Variants in PRDM16 observed in about 807,000 individuals in gnomAD.
PRDM16 encodes the protein histone-lysine N-methyltransferase PRDM16.
PRDM16 carries 23 observed loss-of-function variants against 110.6 expected under a neutral mutation model. The ratio of observed to expected loss-of-function variants is 0.21; its 90% CI spans 0.15 to 0.29. The LOEUF (loss-of-function observed/expected upper bound fraction) is 0.29, where lower values mean the gene tolerates loss of function less well. Among genes scored for constraint, PRDM16 ranks in the 10% least tolerant of loss-of-function variants. The pLI, the probability that PRDM16 is intolerant of heterozygous loss-of-function variation, is 1.00. For synonymous variants in PRDM16, 799 were observed against 781.8 expected, an observed-to-expected ratio of 1.02 and a Z score of -0.37; for missense variants, 1,615 against 1,794.3, an observed-to-expected ratio of 0.90 and a Z score of 1.81.
chr1:3,292,085 C>G (rs557827472), intron 3 of PRDM16, among the ~76,000 whole-genome samples: 1 of 152,366 alleles, frequency 6.6e-6, no homozygotes, highest in Non-Finnish European at 1.5e-5. Context: ...GCGGAGAGGG[C>G]AGATTTTCTG....
chr1:3,355,554 C>T (rs938096163), intron 3 of PRDM16, among the ~76,000 whole-genome samples: 8 of 152,230 alleles, frequency 5.3e-5, no homozygotes, highest in Admixed American at 6.5e-5. Flanking sequence ...GGGACCCTGA[C>T]GCTACAGCCA....
intron 1 of PRDM16, among the ~76,000 whole-genome samples, chr1:3,103,563 C>T (rs955723175): frequency 4.6e-5 from 7 of 152,336 alleles, no homozygotes; most frequent in East Asian, 1.9e-4. Flanking sequence ...CCTCGCATAC[C>T]GCCAAAAACA....
At position 3,209,292 on chromosome 1, in the gene PRDM16, T is replaced by C. The variant is rs1238394112; in HGVS notation, c.387+22818T>C. Among the ~76,000 whole-genome samples, 3 of 152,204 alleles carry C rather than the reference T, an allele frequency of 2.0e-5. No homozygotes were observed. Among genetic ancestry groups the C allele is most frequent in the Admixed American group, 6.5e-5 (1 of 15,278 alleles). ...TGGGATTTACTAAGCACGGTCACGC[T>C]GAACAGTAACTGTGGGCAGGGACAG... is the stretch of plus-strand genomic sequence containing the variant. On this transcript the variant is annotated intron_variant, in intron 2 of 16. Coordinates refer to ENST00000270722, the MANE Select transcript of PRDM16 (RefSeq NM_022114.4). This position sits in a 1 kb window ranked among gnomAD's most constrained non-coding sequence, Gnocchi z 4.6.
rs192920828 is a variant in PRDM16, at chr1:3,247,925, G to A, written c.438+3788G>A. Among the ~76,000 whole-genome samples, 18 of 152,342 alleles carry A rather than the reference G, an allele frequency of 1.2e-4. No homozygotes were observed. The East Asian group carries it at 3.3e-3, about 28-fold the overall frequency. On this transcript the variant is annotated intron_variant, in intron 3 of 16. Coordinates refer to ENST00000270722, the MANE Select transcript of PRDM16 (RefSeq NM_022114.4). ...GTTTACTTAGAGGGAAAGCCCGGGG[G>A]CTCCTGGAGAGCAAACATCTGCGGG...
At chr1:3,407,814 G>A (rs535030804) in intron 8 of PRDM16, among the ~76,000 whole-genome samples, 22 of 152,214 alleles carry the variant, frequency 1.4e-4, no homozygotes, top group Non-Finnish European at 2.6e-4. Flanking sequence ...GTGAGGACAG[G>A]GAAACTCAAC....
intron 1 of PRDM16, among the ~76,000 whole-genome samples, chr1:3,083,475 T>A (rs1451019260): frequency 6.6e-6 from 1 of 152,170 alleles, no homozygotes; most frequent in Non-Finnish European, 1.5e-5. Flanking sequence ...CTTTCTAGGG[T>A]TGGGGGTTTC....
intron 3 of PRDM16, among the ~76,000 whole-genome samples, chr1:3,375,275 G>T (rs1351641229): frequency 6.6e-6 from 1 of 152,180 alleles, no homozygotes; most frequent in Non-Finnish European, 1.5e-5. Flanking sequence ...TCCCCACTGT[G>T]TCCACCCACC....
intron 3 of PRDM16, among the ~76,000 whole-genome samples, chr1:3,281,412 G>T (rs746472181): frequency 2.0e-5 from 3 of 152,212 alleles, no homozygotes; most frequent in Non-Finnish European, 4.4e-5. Context: ...TCGAAATAGG[G>T]ATCATTCCTG....
intron 4 of PRDM16, among the ~76,000 whole-genome samples, chr1:3,395,419 G>A (rs1643370681): frequency 6.6e-6 from 1 of 152,128 alleles, no homozygotes; most frequent in Admixed American, 6.5e-5. Flanking sequence ...CTCAGCCCCA[G>A]GTCTCGCAGG....
intron 5 of PRDM16, among the ~76,000 whole-genome samples, chr1:3,400,529 G>A (rs1643449583): frequency 6.6e-6 from 1 of 152,222 alleles, no homozygotes; most frequent in Admixed American, 6.5e-5. Context: ...GCTCCTAGGT[G>A]GGTTTGGTTT....
At chr1:3,345,283 A>G (rs1024023804) in intron 3 of PRDM16, among the ~76,000 whole-genome samples, 5 of 152,106 alleles carry the variant, frequency 3.3e-5, no homozygotes, top group African/African-American at 1.2e-4. Flanking sequence ...TTTGTTTTAA[A>G]TTATTTTTTT....
intron 7 of PRDM16, 138 bp downstream of exon 7, chr1:3,405,024 C>T: frequency 1.1e-6 from 1 of 880,700 alleles, no homozygotes; most frequent in East Asian, 2.7e-5. Flanking sequence ...CCTGCGGTGG[C>T]TCGGGCCCTT....
chr1:3,345,989 C>T (rs548438005), intron 3 of PRDM16, among the ~76,000 whole-genome samples: 4 of 152,330 alleles, frequency 2.6e-5, no homozygotes, highest in African/African-American at 4.8e-5. Flanking sequence ...CAGGGGCCTG[C>T]GGAGGGGCTG....
At chr1:3,155,851 A>G (rs985634372) in intron 1 of PRDM16, among the ~76,000 whole-genome samples, 4 of 152,174 alleles carry the variant, frequency 2.6e-5, no homozygotes, top group African/African-American at 9.7e-5. Context: ...AGCAGCAGGC[A>G]CCCCTGCGTT....
At chr1:3,393,527 G>C (rs1023388408) in intron 4 of PRDM16, among the ~76,000 whole-genome samples, 1 of 152,202 alleles carries the variant, frequency 6.6e-6, no homozygotes, top group Non-Finnish European at 1.5e-5. Context: ...GGGGTCTGCA[G>C]TACAGTAAAT....
intron 3 of PRDM16, among the ~76,000 whole-genome samples, chr1:3,341,108 C>T (rs578262099): frequency 6.7e-6 from 1 of 150,010 alleles, no homozygotes; most frequent in Non-Finnish European, 1.5e-5. Context: ...GTTTCTCCCC[C>T]TCTGAGCCCT....
rs1489705724 is a variant in PRDM16 at position 3,143,390 on chromosome 1, C to T, written c.38-42735C>T. 3.3e-5 allele frequency among the ~76,000 whole-genome samples: 5 copies of T among 152,300 alleles called. No individual in the cohort carries two copies. The highest frequency in any genetic ancestry group is 6.5e-5 in the Admixed American group (1 of 15,300). ...TCGCCCCAGTCCCAGCAGGTGGCCTCCCCAACTTGAGCTGGGTTCATTTCC... is the reference window on the plus strand; with the variant it reads ...TCGCCCCAGTCCCAGCAGGTGGCCTTCCCAACTTGAGCTGGGTTCATTTCC... On this transcript the variant is annotated intron_variant, in intron 1 of 16. Coordinates refer to ENST00000270722, the MANE Select transcript of PRDM16 (RefSeq NM_022114.4). This position sits in a 1 kb window ranked among gnomAD's most constrained non-coding sequence, Gnocchi z 4.5.
chr1:3,118,223 G>A (rs910087068), intron 1 of PRDM16, among the ~76,000 whole-genome samples: 1 of 152,080 alleles, frequency 6.6e-6, no homozygotes, highest in African/African-American at 2.4e-5. Flanking sequence ...ACACACACAC[G>A]TGCACACACG....
chr1:3,108,943 G>C (rs185310076), intron 1 of PRDM16, among the ~76,000 whole-genome samples: 2 of 151,866 alleles, frequency 1.3e-5, no homozygotes, highest in South Asian at 2.1e-4. Flanking sequence ...TTAGCTGGGC[G>C]TAGTGGTGGA....
Sources: gnomAD v4.1 joint callset for allele counts (sites outside exome capture counted in the v4.1 genomes callset) on GRCh38, gnomAD v4.1.1 for gene constraint, Gnocchi (gnomAD v3.1) non-coding constraint, MANE v1.5 for transcripts, NCBI Gene and HGNC (gene_info 2026-07-23, HGNC 2026-07-21) for gene names.